GPRIN2: variants seen among roughly 807,000 people sequenced by gnomAD.
The protein encoded by GPRIN2 is G protein regulated inducer of neurite outgrowth 2, also known as G protein-regulated inducer of neurite outgrowth 2.
Under a neutral mutation model 0.3 loss-of-function variants are expected in GPRIN2, and 1 was observed. The ratio of observed to expected loss-of-function variants is 3.90; its 90% confidence interval spans 1.39 to 18.51. The LOEUF is 18.51. GPRIN2 is among the 30% of genes most tolerant of loss of function. GPRIN2 has a pLI of 0.11. For synonymous variants in GPRIN2, 361 were observed against 258.6 expected (o/e 1.40, Z -3.80); for missense variants, 880 against 604.2 (o/e 1.46, Z -4.79).
chr10:46,550,300 A>T lies in GPRIN2; in HGVS notation c.437T>A (p.Leu146His), dbSNP rs1555019615. The T allele has an allele frequency of 6.2e-7, 1 of 1,612,988 alleles. No individual in the cohort carries two copies. The highest frequency in any genetic ancestry group is 1.3e-5 in the African/African-American group (1 of 74,966). The change falls in exon 3 of 3, where the codon CTT (leucine) becomes CAT (histidine). Residue 146 changes from leucine (L) to histidine (H), a missense_variant. Coordinates refer to ENST00000374314, the MANE Select transcript of GPRIN2 (RefSeq NM_001385282.1). ...AGCCCTGTGGACAGGGCTGCTGCCA[A>T]GGGCTGAGCAGCTGAGACTGGCCTT... Reference protein sequence around the residue: ...ARKASLSCSALGSSPVHRAQL... With the variant: ...ARKASLSCSAHGSSPVHRAQL...
chr10:46,549,867 G>A lies in GPRIN2; in HGVS notation c.870C>T (p.Ser290=), dbSNP rs1555018300. 2 of 1,614,156 alleles carry A rather than the reference G, an allele frequency of 1.2e-6. No individual in the cohort carries two copies. The highest frequency in any genetic ancestry group is 2.2e-5 in the East Asian group (1 of 44,906). Residue 290 remains serine, a synonymous_variant, in exon 3 of 3, where the codon TCC becomes TCT. Transcript: ENST00000374314. Reference sequence around the variant, plus strand: ...GACCCCAAAGGTGGGCACAGCAATGGGAATGCCCAGGGAGCCCCCCAGACA... The same window carrying A: ...GACCCCAAAGGTGGGCACAGCAATGAGAATGCCCAGGGAGCCCCCCAGACA... ...CRLSGGLPGH[S]HCCAHLWGPA...
chr10:46,546,155 T>C lies in GPRIN2; in HGVS notation c.*3205A>G, dbSNP rs1387076877. Among the ~76,000 whole-genome samples the C allele has an allele frequency of 1.3e-5, 2 of 152,418 alleles. No individual in the cohort carries two copies. The highest frequency in any genetic ancestry group is 6.5e-5 in the Admixed American group (1 of 15,314). On this transcript the variant is annotated 3_prime_UTR_variant, in exon 3 of 3. Transcript: ENST00000374314. ...CAGCACTGTGACCTCAGACCAGCTC[T>C]ACTCTATGAGTTTCTTGTGACAGTG...
rs1588954692 is a variant in GPRIN2 at position 46,546,701 on chromosome 10, G to T, written c.*2659C>A. On this transcript the variant is annotated 3_prime_UTR_variant, in exon 3 of 3. Coordinates refer to ENST00000374314, the MANE Select transcript of GPRIN2 (RefSeq NM_001385282.1). ...CTGTTCCAGGAGAGGGCACAGCAAA[G>T]GGGGTTGGGAGGGGTCTCCAGTTCC... Among the ~76,000 whole-genome samples, 1 of 152,430 alleles carries T rather than the reference G, an allele frequency of 6.6e-6. No homozygotes were observed. The highest frequency in any genetic ancestry group is 1.9e-4 in the East Asian group (1 of 5,196).
rs1832853597 is a variant in GPRIN2 at position 46,547,404 on chromosome 10, G to A, written c.*1956C>T. On this transcript the variant is annotated 3_prime_UTR_variant, in exon 3 of 3. Coordinates refer to ENST00000374314, the MANE Select transcript of GPRIN2 (RefSeq NM_001385282.1). ...AAAGTTCCTTTCCTCATTTACATCA[G>A]GATCTTCACAATGGGGACCCCTGGT... Among the ~76,000 whole-genome samples the A allele has an allele frequency of 6.6e-6, 1 of 152,424 alleles. No homozygotes were observed. Among genetic ancestry groups the A allele is most frequent in the South Asian group, 2.1e-4 (1 of 4,832 alleles).
chr10:46,549,810 C>T lies in GPRIN2; in HGVS notation c.927G>A (p.Arg309=). 1 of 1,614,192 alleles carries T rather than the reference C, an allele frequency of 6.2e-7. No individual in the cohort carries two copies. The highest frequency in any genetic ancestry group is 8.5e-7 in the Non-Finnish European group (1 of 1,180,060). Residue 309 remains arginine (R), a synonymous_variant, in exon 3 of 3, where the codon AGG becomes AGA. Coordinates refer to ENST00000374314, the MANE Select transcript of GPRIN2 (RefSeq NM_001385282.1). ...AGGTCATGGTCCACACATCTTTGGT[C>T]CTAGAGCCAGGCTCTGGGACTAACC... ...PAGLVPEPGS[R]TKDVWTMTSA...
chr10:46,551,080 C>T (rs1420845249), intron 2 of GPRIN2, among the ~76,000 whole-genome samples: 1 of 152,306 alleles, frequency 6.6e-6, no homozygotes, highest in Non-Finnish European at 1.5e-5. Context: ...AGGGAGAGAG[C>T]CAAATCTGCT....
intron 1 of GPRIN2, among the ~76,000 whole-genome samples, chr10:46,554,924 C>A (rs1831959725): frequency 6.0e-4 from 91 of 152,378 alleles, no homozygotes; most frequent in African/African-American, 2.2e-3. Flanking sequence ...CTGTGGCATC[C>A]ATCTAAGTCC....
chr10:46,547,006 C>T lies in GPRIN2; in HGVS notation c.*2354G>A, dbSNP rs946700100. 6.6e-6 allele frequency among the ~76,000 whole-genome samples: 1 copy of T among 152,308 alleles called. No homozygotes were observed. Among genetic ancestry groups the T allele is most frequent in the African/African-American group, 2.4e-5 (1 of 41,488 alleles). ...CCAGCCAGCGTGAATGCATAAGAAT[C>T]TGCACGTGACACAGAAGAAAGTCTC... On this transcript the variant is annotated 3_prime_UTR_variant, in exon 3 of 3. Transcript: ENST00000374314.
intron 2 of GPRIN2, 57 bp from the exon 3 acceptor site, chr10:46,550,799 G>T: frequency 6.8e-7 from 1 of 1,473,562 alleles, no homozygotes; most frequent in Non-Finnish European, 9.0e-7. Flanking sequence ...CACCTAAGCC[G>T]ATTCTACTAT....
chr10:46,547,706 G>A lies in GPRIN2; in HGVS notation c.*1654C>T, dbSNP rs1429245987. 6.6e-6 allele frequency among the ~76,000 whole-genome samples: 1 copy of A among 152,306 alleles called. No homozygotes were observed. Among genetic ancestry groups the A allele is most frequent in the Non-Finnish European group, 1.5e-5 (1 of 68,056 alleles). ...TCCTGGAGACTCCATGGGGAGCCAG[G>A]CATGAAGATGGCATATACCCATGTG... On this transcript the variant is annotated 3_prime_UTR_variant, in exon 3 of 3. Transcript: ENST00000374314.
chr10:46,550,266 C>G lies in GPRIN2; in HGVS notation c.471G>C (p.Gln157His), dbSNP rs1555019476. 6.2e-7 allele frequency: 1 copy of G among 1,611,604 alleles called. No individual in the cohort carries two copies. The highest frequency in any genetic ancestry group is 1.7e-5 in the Admixed American group (1 of 59,962). The change falls in exon 3 of 3, where the codon CAG (glutamine) becomes CAC (histidine). Residue 157 changes from glutamine (Q) to histidine (H), a missense_variant. By Grantham distance (24) the Gln-to-His change is conservative. Coordinates refer to ENST00000374314, the MANE Select transcript of GPRIN2 (RefSeq NM_001385282.1). ...CACCCTGGCCAGAAGTACCACCTGG[C>G]TGCAGCTGAGCCCTGTGGACAGGGC... ...GSSPVHRAQL[Q>H]PGGTSGQGGQ...
In GPRIN2 at chr10:46,549,093, T is replaced by C. The variant is rs1217232851; in HGVS notation, c.*267A>G. 2 of 444,122 alleles carry C rather than the reference T, an allele frequency of 4.5e-6. No homozygotes were observed. The highest frequency in any genetic ancestry group is 2.0e-5 in the African/African-American group (1 of 48,866). The allele number at this position is 444,122 out of a possible 1,614,324, so 27.5% of individuals were successfully genotyped here. ...TACAGAAAACTCAGGATCTCCCCTC[T>C]GCACAGTGCTAAAGCCCTGTCTCAA... On this transcript the variant is annotated 3_prime_UTR_variant, in exon 3 of 3. Coordinates refer to ENST00000374314, the MANE Select transcript of GPRIN2 (RefSeq NM_001385282.1).
rs1555017585 is a variant in GPRIN2, at chr10:46,549,602, CA to C, written c.1134del (p.Val379CysfsTer11). On this transcript the variant is annotated frameshift_variant, in exon 3 of 3. Transcript: ENST00000374314. LOFTEE classifies it high-confidence loss of function. Reference protein sequence around the residue: ...LGSSLEEVPSPVRDVRWDAEG... With the variant: ...LGSSLEEVPSXVRDVRWDAEG... ...TCAGCATCCCATCGCACATCCCGCA[CA>C]GGGGACGGCACCTCCTCCAGGCTGG... 1 of 1,614,258 alleles carries C rather than the reference CA, an allele frequency of 6.2e-7. No homozygotes were observed. Among genetic ancestry groups the C allele is most frequent in the Middle Eastern group, 1.6e-4 (1 of 6,062 alleles).
chr10:46,557,552 C>A (rs1398863399), upstream of GPRIN2, among the ~76,000 whole-genome samples: 1 of 152,306 alleles, frequency 6.6e-6, no homozygotes, highest in African/African-American at 2.4e-5. Context: ...TGAGCCACCT[C>A]CACTGGAGCC....
rs1833052100 is a variant in GPRIN2 at position 46,542,843 on chromosome 10, A to G, written c.*6517T>C. Among the ~76,000 whole-genome samples the G allele has an allele frequency of 8.2e-4, 125 of 152,334 alleles. No individual in the cohort carries two copies. The highest frequency in any genetic ancestry group is 2.8e-3 in the African/African-American group (118 of 41,518). On this transcript the variant is annotated 3_prime_UTR_variant, in exon 3 of 3. Coordinates refer to ENST00000374314, the MANE Select transcript of GPRIN2 (RefSeq NM_001385282.1). ...CCACACCCCAACCCAATTACAAGCCATGCAAGAAGATTCTGAAAACATGGA... is the reference window on the plus strand; with the variant it reads ...CCACACCCCAACCCAATTACAAGCCGTGCAAGAAGATTCTGAAAACATGGA...
At position 46,549,659 on chromosome 10, in the gene GPRIN2, G is replaced by T. The variant is rs145711109; in HGVS notation, c.1078C>A (p.Leu360Met). The change falls in exon 3 of 3, where the codon CTG becomes ATG. Residue 360 changes from leucine to methionine, a missense_variant. Physicochemically the swap from Leu to Met is conservative, Grantham distance 15 (BLOSUM62 2). Coordinates refer to ENST00000374314, the MANE Select transcript of GPRIN2 (RefSeq NM_001385282.1). Reference protein sequence around the residue: ...TSPSLEAPAALHVFPEVTLGS... With the variant: ...TSPSLEAPAAMHVFPEVTLGS... ...AGAGTTACCTCTGGGAACACATGCA[G>T]GGCTGCAGGCGCTTCCAGGGACGGA... The T allele has an allele frequency of 2.7e-5, 44 of 1,614,170 alleles. No individual in the cohort carries two copies. In the African/African-American group the frequency reaches 4.9e-4, roughly 18 times the overall value.
rs1832802113 is a variant in GPRIN2, at chr10:46,548,436, G to A, written c.*924C>T. On this transcript the variant is annotated 3_prime_UTR_variant, in exon 3 of 3. Coordinates refer to ENST00000374314, the MANE Select transcript of GPRIN2 (RefSeq NM_001385282.1). ...CCAGCTGGGGAGAAATCCTTCAGCCGACAGAATGAGGTGAAAATAGTGCAA... is the reference window on the plus strand; with the variant it reads ...CCAGCTGGGGAGAAATCCTTCAGCCAACAGAATGAGGTGAAAATAGTGCAA... Among the ~76,000 whole-genome samples, 27 of 152,402 alleles carry A rather than the reference G, an allele frequency of 1.8e-4. No individual in the cohort carries two copies. The highest frequency in any genetic ancestry group is 3.2e-4 in the Non-Finnish European group (22 of 68,038).
rs959951065 is a variant in GPRIN2, at chr10:46,542,817, G to A, written c.*6543C>T. Among the ~76,000 whole-genome samples, 1 of 152,310 alleles carries A rather than the reference G, an allele frequency of 6.6e-6. No homozygotes were observed. The highest frequency in any genetic ancestry group is 1.5e-5 in the Non-Finnish European group (1 of 68,058). ...GCAGTGTGTCCCCACAGGGGCTCAGGCCACACCCCAACCCAATTACAAGCC... is the reference window on the plus strand; with the variant it reads ...GCAGTGTGTCCCCACAGGGGCTCAGACCACACCCCAACCCAATTACAAGCC... On this transcript the variant is annotated 3_prime_UTR_variant, in exon 3 of 3. Coordinates refer to ENST00000374314, the MANE Select transcript of GPRIN2 (RefSeq NM_001385282.1).
rs868961718 is a variant in GPRIN2 at position 46,542,314 on chromosome 10, G to A, written c.*7046C>T. ...CCTGGGAGGGTGATATGCTTTGGCT[G>A]TGTCCCCACCCAAAATCTCATCTTG... On this transcript the variant is annotated 3_prime_UTR_variant, in exon 3 of 3. Coordinates refer to ENST00000374314, the MANE Select transcript of GPRIN2 (RefSeq NM_001385282.1). Among the ~76,000 whole-genome samples, 1 of 152,306 alleles carries A rather than the reference G, an allele frequency of 6.6e-6. No individual in the cohort carries two copies. The highest frequency in any genetic ancestry group is 1.5e-5 in the Non-Finnish European group (1 of 68,056).
Sources: gnomAD v4.1 joint callset for allele counts (sites outside exome capture counted in the v4.1 genomes callset) on GRCh38, gnomAD v4.1.1 for gene constraint, MANE v1.5 for transcripts, NCBI Gene and HGNC (gene_info 2026-07-23, HGNC 2026-07-21) for gene names.